The following CENPC variants were observed in gnomAD, a reference collection of about 807,000 sequenced individuals.
The protein encoded by CENPC is CENP-C 1.
A neutral mutation model predicts 112.1 loss-of-function variants in CENPC; 63 were observed. That is an observed-to-expected ratio of 0.56 (90% CI 0.46 to 0.69). The LOEUF (loss-of-function observed/expected upper bound fraction) is 0.69. CENPC is among the 30% of genes least tolerant of loss of function. The probability of loss-of-function intolerance (pLI) is 0.00; values close to 1 mark genes in which losing one functional copy is unlikely to be tolerated. For synonymous variants in CENPC, 333 were observed against 367.6 expected (o/e 0.91, Z 1.08); for missense variants, 1,000 against 1,103.8 (o/e 0.91, Z 1.33).
chr4:67,517,828 C>T (rs1450730992), intron 7 of CENPC, among the ~76,000 whole-genome samples: 1 of 152,066 alleles, frequency 6.6e-6, no homozygotes, highest in African/African-American at 2.4e-5. Context: ...CAGAGCGAGA[C>T]CCTGTCTCAA....
intron 16 of CENPC, among the ~76,000 whole-genome samples, chr4:67,491,247 C>T (rs1725249550): frequency 1.3e-5 from 2 of 149,708 alleles, no homozygotes; most frequent in Non-Finnish European, 3.0e-5. Flanking sequence ...GATCTCGGCT[C>T]ACTGCAATCT....
At position 67,478,661 on chromosome 4, in the gene CENPC, CACA is replaced by C. The variant is rs781752003; in HGVS notation, c.2671-3686_2671-3684del. On this transcript the variant is annotated intron_variant, in intron 17 of 18. Transcript: ENST00000273853. ...ACACACACACACACACACACACACACACACACCCAAAGTATTCAGGCAACAACT... is the reference window on the plus strand; with the variant it reads ...ACACACACACACACACACACACACACCACCCAAAGTATTCAGGCAACAACT... Among the ~76,000 whole-genome samples the C allele has an allele frequency of 5.8e-3, 877 of 150,578 alleles. 3 individuals carry two copies. The highest frequency in any genetic ancestry group is 8.7e-3 in the Non-Finnish European group (587 of 67,628).
intron 3 of CENPC, among the ~76,000 whole-genome samples, chr4:67,540,460 G>A (rs1300350293): frequency 1.3e-5 from 2 of 152,176 alleles, no homozygotes; most frequent in African/African-American, 2.4e-5. Context: ...CTGGAGGGCA[G>A]GAGTTCGAGA....
chr4:67,531,232 G>A (rs184184477), intron 4 of CENPC, among the ~76,000 whole-genome samples: 23 of 151,818 alleles, frequency 1.5e-4, no homozygotes, highest in African/African-American at 4.1e-4. Flanking sequence ...TATTACATAC[G>A]TAACAATGGA....
intron 17 of CENPC, among the ~76,000 whole-genome samples, chr4:67,477,277 C>T (rs1184032023): frequency 1.3e-5 from 2 of 152,202 alleles, no homozygotes; most frequent in Non-Finnish European, 2.9e-5. Context: ...AAAACTACAA[C>T]CAAAGACCGT....
intron 17 of CENPC, among the ~76,000 whole-genome samples, chr4:67,488,691 GTTTATCCTCATTA>G (rs1240062608): frequency 5.9e-5 from 9 of 151,856 alleles, no homozygotes; most frequent in Non-Finnish European, 8.8e-5. Context: ...GATAATTCAT[GTTTATCCTCATTA>G]TTAGTTACTT....
At chr4:67,523,140 C>T (rs541471481) in intron 5 of CENPC, among the ~76,000 whole-genome samples, 4 of 152,088 alleles carry the variant, frequency 2.6e-5, no homozygotes, top group East Asian at 3.9e-4. Flanking sequence ...GATGAAGCCC[C>T]GTCTCTACTA....
chr4:67,476,921 A>G (rs1724820807), intron 17 of CENPC, among the ~76,000 whole-genome samples: 1 of 152,140 alleles, frequency 6.6e-6, no homozygotes, highest in Admixed American at 6.5e-5. Context: ...GGTGACCAGT[A>G]TGATGCACTA....
rs1271363575 is a variant in CENPC at position 67,514,184 on chromosome 4, T to C, written c.1334A>G (p.His445Arg). The change falls in exon 8 of 19, where the codon CAT becomes CGT. Residue 445 changes from histidine to arginine, a missense_variant. His to Arg is a conservative substitution (Grantham distance 29). Coordinates refer to ENST00000273853, the MANE Select transcript of CENPC (RefSeq NM_001812.4). ...DVGQSKDENI[H>R]TSHITQDEFQ... ...TTCGTCTTGGGTAATATGTGATGTA[T>C]GTATGTTTTCATCTTTAGACTGTCC... The C allele has an allele frequency of 1.2e-6, 2 of 1,612,940 alleles. No homozygotes were observed. The highest frequency in any genetic ancestry group is 1.7e-6 in the Non-Finnish European group (2 of 1,179,516).
At chr4:67,479,103 G>A (rs190919343) in intron 17 of CENPC, among the ~76,000 whole-genome samples, 233 of 151,910 alleles carry the variant, frequency 1.5e-3, no homozygotes, top group African/African-American at 5.3e-3. Context: ...AAACGAGATA[G>A]ACGGCAACAC....
chr4:67,484,287 T>C (rs1725030050), intron 17 of CENPC, among the ~76,000 whole-genome samples: 2 of 152,192 alleles, frequency 1.3e-5, no homozygotes, highest in Admixed American at 1.3e-4. Flanking sequence ...GTAGGCTATA[T>C]CATCTTATGA....
chr4:67,508,789 A>T, intron 10 of CENPC, 25 bp downstream of exon 10: 5 of 1,598,942 alleles, frequency 3.1e-6, no homozygotes, highest in Non-Finnish European at 4.3e-6. Flanking sequence ...AAAAGTAACT[A>T]TATTGTACAC....
chr4:67,498,312 A>G (rs1258865154), intron 12 of CENPC, among the ~76,000 whole-genome samples: 1 of 152,138 alleles, frequency 6.6e-6, no homozygotes, highest in Non-Finnish European at 1.5e-5. Context: ...CTTTTTGCTG[A>G]TAGGGTATTT....
intron 8 of CENPC, 62 bp downstream of exon 8, chr4:67,514,012 A>G (rs1725972734): frequency 7.0e-7 from 1 of 1,434,692 alleles, no homozygotes; most frequent in Non-Finnish European, 9.1e-7. Flanking sequence ...CTAAGTTAGG[A>G]TATTAAAAAA....
chr4:67,545,280 C>G lies in CENPC; in HGVS notation c.18+58G>C, dbSNP rs915404818. On this transcript the variant is annotated intron_variant, in intron 1 of 18. Coordinates refer to ENST00000273853, the MANE Select transcript of CENPC (RefSeq NM_001812.4). ...GCATTTCCTTCTCCCCAGCCTCGGG[C>G]GCCCGTGCCCCAGCCAGCCGCTCAA... The G allele has an allele frequency of 1.1e-5, 16 of 1,439,232 alleles. No homozygotes were observed. The African/African-American group carries it at 2.2e-4, about 20-fold the overall frequency. The allele number at this position is 1,439,232 out of a possible 1,614,324, so 89.2% of individuals were successfully genotyped here.
chr4:67,544,838 G>A (rs1726983054), intron 1 of CENPC, among the ~76,000 whole-genome samples: 1 of 152,122 alleles, frequency 6.6e-6, no homozygotes, highest in Non-Finnish European at 1.5e-5. Context: ...AACTGAAAAC[G>A]TCAAATTATT....
At chr4:67,523,353 A>T (rs1366513864) in intron 5 of CENPC, among the ~76,000 whole-genome samples, 1 of 152,178 alleles carries the variant, frequency 6.6e-6, no homozygotes, top group East Asian at 1.9e-4. Flanking sequence ...CTGAAGGCAA[A>T]AGAAACTGTA....
intron 17 of CENPC, among the ~76,000 whole-genome samples, chr4:67,477,900 T>C (rs1462831698): frequency 1.3e-5 from 2 of 151,024 alleles, no homozygotes; most frequent in African/African-American, 4.9e-5. Flanking sequence ...CTTAGAGAAA[T>C]GCAAAATACA....
rs904106283 is a variant in CENPC at position 67,509,074 on chromosome 4, A to T, written c.1644T>A (p.Asn548Lys). Reference sequence around the variant, plus strand: ...TACTATTGTGATGCATTGGTAATTCATTTCTTACTGAAGAATTGCTATAAA... The same window carrying T: ...TACTATTGTGATGCATTGGTAATTCTTTTCTTACTGAAGAATTGCTATAAA... ...SPVYSNSSVR[N>K]ELPMHHNSSR... Residue 548 changes from asparagine (N) to lysine (K), a missense_variant, in exon 10 of 19, where the codon AAT (asparagine) becomes AAA (lysine). Transcript: ENST00000273853. 3.1e-6 allele frequency: 5 copies of T among 1,609,318 alleles called. No individual in the cohort carries two copies. The highest frequency in any genetic ancestry group is 3.4e-6 in the Non-Finnish European group (4 of 1,178,982).
Sources: gnomAD v4.1 joint callset for allele counts (sites outside exome capture counted in the v4.1 genomes callset) on GRCh38, gnomAD v4.1.1 for gene constraint, MANE v1.5 for transcripts, NCBI Gene and HGNC (gene_info 2026-07-23, HGNC 2026-07-21) for gene names.